The following PLXDC1 variants were observed in gnomAD, a reference collection of about 807,000 sequenced individuals.
PLXDC1 encodes plexin domain containing 1, also known as plexin domain-containing protein 1.
In PLXDC1, 39 loss-of-function variants were observed where a neutral mutation model predicts 61.3. The ratio of observed to expected loss-of-function variants is 0.64; its 90% CI spans 0.49 to 0.83. The LOEUF is 0.83. PLXDC1 is among the 40% of genes least tolerant of loss of function. The probability of loss-of-function intolerance (pLI) is 0.00; values close to 1 mark genes in which losing one functional copy is unlikely to be tolerated. For missense variants in PLXDC1, 596 were observed against 666.5 expected, an observed-to-expected ratio of 0.89 and a Z score of 1.17; for synonymous variants, 212 against 254.5, an observed-to-expected ratio of 0.83 and a Z score of 1.59.
intron 2 of PLXDC1, among the ~76,000 whole-genome samples, chr17:39,116,705 G>A (rs757475756): frequency 2.6e-5 from 4 of 152,190 alleles, no homozygotes; most frequent in Admixed American, 6.5e-5. Context: ...GCTTCAACAC[G>A]GAGGACATGT....
At chr17:39,096,622 T>C (rs928943143) in intron 7 of PLXDC1, among the ~76,000 whole-genome samples, 4 of 152,088 alleles carry the variant, frequency 2.6e-5, no homozygotes, top group Non-Finnish European at 5.9e-5. Flanking sequence ...AAAGTTCCGG[T>C]AAAGGAGGAG....
chr17:39,075,133 A>T (rs904998399), intron 11 of PLXDC1, among the ~76,000 whole-genome samples: 1 of 151,736 alleles, frequency 6.6e-6, no homozygotes, highest in Non-Finnish European at 1.5e-5. Context: ...CTAATTTTTG[A>T]TTTTTTGTAG....
intron 7 of PLXDC1, among the ~76,000 whole-genome samples, chr17:39,105,203 G>A (rs1910551841): frequency 6.6e-6 from 1 of 152,208 alleles, no homozygotes; most frequent in Non-Finnish European, 1.5e-5. Context: ...TCTGAGACAA[G>A]GGTCTAGAAG....
At chr17:39,143,453 G>C (rs1238331820) in intron 1 of PLXDC1, among the ~76,000 whole-genome samples, 1 of 152,186 alleles carries the variant, frequency 6.6e-6, no homozygotes, top group Non-Finnish European at 1.5e-5. Context: ...GTAGATTTGA[G>C]TTCCCCCAGG....
intron 7 of PLXDC1, among the ~76,000 whole-genome samples, chr17:39,097,689 C>A (rs536707461): frequency 6.6e-6 from 1 of 151,200 alleles, no homozygotes; most frequent in African/African-American, 2.4e-5. Context: ...CAATACCACC[C>A]TATTTTATTA....
chr17:39,134,340 C>T (rs1372128343), intron 2 of PLXDC1, among the ~76,000 whole-genome samples: 1 of 151,722 alleles, frequency 6.6e-6, no homozygotes, highest in Admixed American at 6.6e-5. Context: ...AAAACCACCA[C>T]ATTGGCGGGG....
At chr17:39,118,792 T>C (rs1281977549) in intron 2 of PLXDC1, among the ~76,000 whole-genome samples, 2 of 152,168 alleles carry the variant, frequency 1.3e-5, no homozygotes, top group Non-Finnish European at 2.9e-5. Context: ...CTACAGCTTG[T>C]GCAGCCTGAG....
intron 2 of PLXDC1, among the ~76,000 whole-genome samples, chr17:39,138,173 C>T (rs897982857): frequency 7.9e-5 from 12 of 152,044 alleles, no homozygotes; most frequent in Non-Finnish European, 1.3e-4. Context: ...TGAGCTCAAG[C>T]GATCCACCCG....
At chr17:39,152,367 C>T, upstream of PLXDC1, 2 of 501,794 alleles carry the variant, frequency 4.0e-6, no homozygotes, top group Non-Finnish European at 3.1e-6. Context: ...TCAGAGCCAG[C>T]CCCAGACGAG....
intron 10 of PLXDC1, 52 bp from the exon 11 acceptor site, chr17:39,078,100 C>T: frequency 6.7e-7 from 1 of 1,489,178 alleles, no homozygotes; most frequent in Non-Finnish European, 9.0e-7. Flanking sequence ...CCTTTCCCTT[C>T]ATCCTGAAAG....
chr17:39,086,448 C>T (rs1262615933), intron 8 of PLXDC1, among the ~76,000 whole-genome samples: 2 of 152,172 alleles, frequency 1.3e-5, no homozygotes, highest in Non-Finnish European at 2.9e-5. Context: ...TTCTCCACCC[C>T]CTGCTCTCAG....
At chr17:39,087,469 G>A (rs1909785414) in intron 8 of PLXDC1, 138 bp downstream of exon 8, 2 of 666,946 alleles carry the variant, frequency 3.0e-6, no homozygotes, top group East Asian at 2.7e-5. Flanking sequence ...CATCAGGCTC[G>A]GGTTACAAAA....
chr17:39,151,676 G>A (rs996135752), upstream of PLXDC1: 30 of 186,756 alleles, frequency 1.6e-4, no homozygotes, highest in Admixed American at 2.6e-4. The surrounding 1 kb of genome is among the most constrained non-coding windows in gnomAD (Gnocchi z 5.2). Context: ...CGGTGGGGGT[G>A]GGGGGGAGCT....
At chr17:39,068,340 A>C (rs1908978056) in intron 13 of PLXDC1, among the ~76,000 whole-genome samples, 1 of 152,184 alleles carries the variant, frequency 6.6e-6, no homozygotes, top group Non-Finnish European at 1.5e-5. Flanking sequence ...TAACCCTCCA[A>C]GGTAGCACAG....
chr17:39,148,890 A>G (rs1334472965), intron 1 of PLXDC1, among the ~76,000 whole-genome samples: 1 of 152,000 alleles, frequency 6.6e-6, no homozygotes, highest in Admixed American at 6.6e-5. Context: ...AGACGGGGAA[A>G]CCTTCCTCAG....
chr17:39,093,392 G>A (rs1188415671), intron 7 of PLXDC1, among the ~76,000 whole-genome samples: 1 of 152,020 alleles, frequency 6.6e-6, no homozygotes, highest in African/African-American at 2.4e-5. Context: ...ACAATTTACC[G>A]AGCCCAGTTG....
At chr17:39,103,860 A>AAG (rs1475556126) in intron 7 of PLXDC1, among the ~76,000 whole-genome samples, 2 of 151,932 alleles carry the variant, frequency 1.3e-5, no homozygotes, top group East Asian at 3.9e-4. Context: ...AAAAAAAAAA[A>AAG]AAGAATAGTA....
chr17:39,150,195 C>A (rs572762213), intron 1 of PLXDC1, among the ~76,000 whole-genome samples: 96 of 152,270 alleles, frequency 6.3e-4, no homozygotes, highest in Non-Finnish European at 1.1e-3. Context: ...CTTCTCGGTT[C>A]GTCAGCTCCA....
rs3025178 is a variant in PLXDC1 at position 39,139,080 on chromosome 17, C to T, written c.255+574G>A. Among the ~76,000 whole-genome samples the T allele has an allele frequency of 1.4e-4, 22 of 152,296 alleles. No individual in the cohort carries two copies. The South Asian group carries it at 2.5e-3, about 17-fold the overall frequency. On this transcript the variant is annotated intron_variant, in intron 2 of 13. Coordinates refer to ENST00000315392, the MANE Select transcript of PLXDC1 (RefSeq NM_020405.5). ...CACACCGAGGCTTCCAAGAGCCTCC[C>T]GGAAACCCTGAGAGAAGAGCACTCC...
Sources: gnomAD v4.1 joint callset for allele counts (sites outside exome capture counted in the v4.1 genomes callset) on GRCh38, gnomAD v4.1.1 for gene constraint, Gnocchi (gnomAD v3.1) non-coding constraint, MANE v1.5 for transcripts, NCBI Gene and HGNC (gene_info 2026-07-23, HGNC 2026-07-21) for gene names.